SCRN3: variants seen among roughly 807,000 people sequenced by gnomAD.
SCRN3 encodes secernin 3, also known as secernin-3.
In SCRN3, 39 loss-of-function variants were observed where a neutral mutation model predicts 43.1. The ratio of observed to expected loss-of-function variants is 0.91; its 90% CI spans 0.70 to 1.18. The LOEUF (loss-of-function observed/expected upper bound fraction) is 1.18, where lower values mean the gene tolerates loss of function less well. Ranked by LOEUF, SCRN3 falls within the 50% of genes most tolerant of loss-of-function variation. SCRN3 has a pLI of 0.00. For missense variants in SCRN3, 484 were observed against 498.0 expected (o/e 0.97, Z 0.27); for synonymous variants, 147 against 163.1 (o/e 0.90, Z 0.75).
At chr2:174,427,406 A>G (rs1415160865) in intron 7 of SCRN3, among the ~76,000 whole-genome samples, 1 of 152,138 alleles carries the variant, frequency 6.6e-6, no homozygotes, top group Admixed American at 6.5e-5. Flanking sequence ...AACCTTCCAC[A>G]TACACAGTTC....
intron 6 of SCRN3, among the ~76,000 whole-genome samples, chr2:174,423,612 T>C (rs34720804): frequency 0.18 from 27,796 of 151,600 alleles, 3,039 homozygotes; most frequent in Middle Eastern, 0.3. Flanking sequence ...TGGGATTACA[T>C]GCGTGCGCCA....
chr2:174,413,398 G>C (rs938583383), intron 5 of SCRN3, among the ~76,000 whole-genome samples: 1 of 152,022 alleles, frequency 6.6e-6, no homozygotes, highest in Non-Finnish European at 1.5e-5. Flanking sequence ...CTGTCTCTTG[G>C]TTGGCAACTC....
chr2:174,404,033 A>T (rs1685593298), intron 4 of SCRN3, 70 bp from the exon 5 acceptor site: 1 of 1,183,828 alleles, frequency 8.4e-7, no homozygotes, highest in Non-Finnish European at 1.2e-6. Flanking sequence ...AGGAATCATG[A>T]TATACAGATA....
chr2:174,423,125 A>T, intron 6 of SCRN3, 78 bp downstream of exon 6: 1 of 1,278,440 alleles, frequency 7.8e-7, no homozygotes, highest in Non-Finnish European at 1.1e-6. Context: ...TAATTTTGTC[A>T]GGATAAATTT....
intron 5 of SCRN3, among the ~76,000 whole-genome samples, chr2:174,408,599 G>A (rs1685782209): frequency 7.0e-6 from 1 of 143,722 alleles, no homozygotes; most frequent in African/African-American, 2.5e-5. Context: ...GCTGGTACCG[G>A]TTGTTCCTTT....
At chr2:174,412,134 A>AC (rs398104990) in intron 5 of SCRN3, among the ~76,000 whole-genome samples, 4 of 151,666 alleles carry the variant, frequency 2.6e-5, no homozygotes, top group Admixed American at 2.0e-4. Flanking sequence ...CAAAAAAAAA[A>AC]CCAGAAGTCA....
At chr2:174,424,771 G>C (rs1382981722) in intron 7 of SCRN3, 122 bp downstream of exon 7, 2 of 709,494 alleles carry the variant, frequency 2.8e-6, no homozygotes, top group Non-Finnish European at 4.6e-6. Context: ...GAATAGTTTA[G>C]ATGCTCAGAC....
At position 174,395,888 on chromosome 2, in the gene SCRN3, G is replaced by A. The variant is rs1334035353; in HGVS notation, c.-10+71G>A. The A allele has an allele frequency of 2.4e-5, 34 of 1,442,930 alleles. 1 individual carries two copies. Among genetic ancestry groups the A allele is most frequent in the Non-Finnish European group, 2.6e-5 (29 of 1,096,484 alleles). 89.4% of individuals were successfully genotyped at this position (1,442,930 alleles called of 1,614,324 possible). A position where few individuals can be genotyped will look rare whatever the true frequency, so the allele number is the denominator to read the frequency against. On this transcript the variant is annotated intron_variant, in intron 1 of 7. Coordinates refer to ENST00000272732, the MANE Select transcript of SCRN3 (RefSeq NM_024583.5). The stretch of plus-strand genomic sequence containing the variant: ...ACCCGGAAGACCCAACTGTGGCGCG[G>A]CACTGCTTGACCGAGGGGCTCCGGA...
chr2:174,424,323 A>G, intron 6 of SCRN3, 152 bp from the exon 7 acceptor site: 1 of 569,480 alleles, frequency 1.8e-6, no homozygotes, highest in South Asian at 2.8e-5. Context: ...CCCAGGGAAG[A>G]CAGGCATGGG....
Position 174,399,935 on chromosome 2 carries a change from A to C in SCRN3, c.173A>C (p.Glu58Ala). Residue 58 changes from glutamate (E) to alanine (A), a missense_variant, in exon 3 of 8, where the codon GAA becomes GCA. Glu to Ala is a moderately radical substitution (Grantham distance 107). Coordinates refer to ENST00000272732, the MANE Select transcript of SCRN3 (RefSeq NM_024583.5). ...TTTTTTTTACAGTGTACATATATAG[A>C]AATTGATCAAGTTCCTGAAACATAT... ...LGERLKCTYI[E>A]IDQVPETYAV... 2 of 1,504,808 alleles carry C rather than the reference A, an allele frequency of 1.3e-6. No homozygotes were observed. The highest frequency in any genetic ancestry group is 3.5e-4 in the Middle Eastern group (2 of 5,744). The allele number at this position is 1,504,808 out of a possible 1,614,324, so 93.2% of individuals were successfully genotyped here.
chr2:174,406,787 C>G (rs1559074633), intron 5 of SCRN3, among the ~76,000 whole-genome samples: 4 of 132,276 alleles, frequency 3.0e-5, no homozygotes, highest in African/African-American at 1.0e-4. Flanking sequence ...ATTGAACCAG[C>G]CTTGCATCCC....
intron 5 of SCRN3, 58 bp downstream of exon 5, chr2:174,404,373 T>TCATTCCCATATTAC: frequency 8.6e-7 from 1 of 1,162,738 alleles, no homozygotes; most frequent in Non-Finnish European, 1.3e-6. Flanking sequence ...GTAGATGTAA[T>TCATTCCCATATTAC]ATGGGAATGA....
At position 174,429,124 on chromosome 2, in the gene SCRN3, T is replaced by A. The variant is rs925790108; in HGVS notation, c.*1229T>A. ...AAGAAAAGATGTCTGACTCAAGAAC[T>A]CAGTTGATTCTGTTTGCCTTAAGTT... On this transcript the variant is annotated 3_prime_UTR_variant, in exon 8 of 8. Transcript: ENST00000272732. 1 of 152,226 alleles carries A rather than the reference T, an allele frequency of 6.6e-6. No homozygotes were observed. The highest frequency in any genetic ancestry group is 2.4e-5 in the African/African-American group (1 of 41,462). 9.4% of individuals were successfully genotyped at this position (152,226 alleles called of 1,614,324 possible).
At chr2:174,401,249 T>A in intron 4 of SCRN3, 60 bp downstream of exon 4, 1 of 1,252,678 alleles carries the variant, frequency 8.0e-7, no homozygotes, top group Non-Finnish European at 1.1e-6. Context: ...CACCCTTACC[T>A]ATAGATATTG....
intron 5 of SCRN3, among the ~76,000 whole-genome samples, chr2:174,410,678 T>C (rs1422212402): frequency 6.6e-6 from 1 of 152,242 alleles, no homozygotes; most frequent in Non-Finnish European, 1.5e-5. Flanking sequence ...CTATTGCTGC[T>C]GCTGCTGTTA....
Position 174,401,115 on chromosome 2 carries a change from T to C in SCRN3, c.467T>C (p.Phe156Ser), listed in dbSNP as rs1320919258. 10 of 1,613,944 alleles carry C rather than the reference T, an allele frequency of 6.2e-6. No individual in the cohort carries two copies. The highest frequency in any genetic ancestry group is 8.5e-6 in the Non-Finnish European group (10 of 1,179,922). Reference sequence around the variant, plus strand: ...ATGGTATTTAGCTATCACAACAGTTTCCTGATAGCTGATAGGAATGAAGCC... The same window carrying C: ...ATGGTATTTAGCTATCACAACAGTTCCCTGATAGCTGATAGGAATGAAGCC... The part of the protein sequence containing the change: ...GRMVFSYHNS[F>S]LIADRNEAWI... The change falls in exon 4 of 8, where the codon TTC becomes TCC. Residue 156 changes from phenylalanine to serine, a missense_variant. Physicochemically the swap from Phe to Ser is radical, Grantham distance 155. Transcript: ENST00000272732.
intron 4 of SCRN3, among the ~76,000 whole-genome samples, chr2:174,402,926 T>G (rs1393368325): frequency 6.6e-6 from 1 of 152,162 alleles, no homozygotes; most frequent in East Asian, 1.9e-4. Flanking sequence ...GGCTTTTATT[T>G]TTTCTATTTT....
intron 4 of SCRN3, among the ~76,000 whole-genome samples, chr2:174,403,398 C>T (rs1685572322): frequency 6.6e-6 from 1 of 151,908 alleles, no homozygotes; most frequent in Admixed American, 6.6e-5. Context: ...CATACATTTA[C>T]ACAAGAACCT....
intron 1 of SCRN3, 33 bp from the exon 2 acceptor site, chr2:174,398,240 TTC>T (rs1685388790): frequency 7.5e-7 from 1 of 1,335,328 alleles, no homozygotes; most frequent in Admixed American, 2.4e-5. Flanking sequence ...CTTAAAAGTG[TTC>T]TTTTTATTTT....
Sources: allele counts gnomAD v4.1 joint callset (sites outside exome capture counted in the v4.1 genomes callset), GRCh38; gene constraint gnomAD v4.1.1; transcripts MANE v1.5; gene names NCBI Gene and HGNC (gene_info 2026-07-23, HGNC 2026-07-21).